The following PLD5 variants were observed in gnomAD, a reference collection of about 807,000 sequenced individuals.
The protein encoded by PLD5 is phospholipase D family member 5, also known as inactive phospholipase D5.
A neutral mutation model predicts 61.1 loss-of-function variants in PLD5; 36 were observed. The ratio of observed to expected loss-of-function variants is 0.59; its 90% CI spans 0.45 to 0.78. PLD5 has a LOEUF of 0.78. Among genes scored for constraint, PLD5 ranks in the 30% least tolerant of loss-of-function variants. The probability of loss-of-function intolerance (pLI) is 0.00; values close to 1 mark genes in which losing one functional copy is unlikely to be tolerated. For synonymous variants in PLD5, 243 were observed against 242.8 expected (o/e 1.00, Z -0.01); for missense variants, 515 against 644.4 (o/e 0.80, Z 2.17).
intron 1 of PLD5, among the ~76,000 whole-genome samples, chr1:242,391,605 CA>C (rs1662938530): frequency 6.6e-6 from 1 of 152,040 alleles, no homozygotes; most frequent in Admixed American, 6.6e-5. Context: ...CCCATTTGAC[CA>C]AAGAAAAGTT....
chr1:242,351,765 T>A (rs1660489749), intron 1 of PLD5, among the ~76,000 whole-genome samples: 1 of 152,210 alleles, frequency 6.6e-6, no homozygotes, highest in African/African-American at 2.4e-5. Context: ...AAAACTGGCT[T>A]GATTACATAT....
chr1:242,493,819 G>C (rs1031006777), intron 1 of PLD5, among the ~76,000 whole-genome samples: 9 of 152,152 alleles, frequency 5.9e-5, no homozygotes, highest in African/African-American at 9.7e-5. Flanking sequence ...CTCCAGCAGA[G>C]AGGAACCCAT....
intron 9 of PLD5, among the ~76,000 whole-genome samples, chr1:242,100,071 G>A (rs1660566166): frequency 1.3e-5 from 2 of 152,136 alleles, no homozygotes; most frequent in Non-Finnish European, 2.9e-5. Flanking sequence ...CATTAATTGG[G>A]TATTATCTAT....
chr1:242,376,449 A>G (rs899435121), intron 1 of PLD5, among the ~76,000 whole-genome samples: 1 of 152,200 alleles, frequency 6.6e-6, no homozygotes, highest in African/African-American at 2.4e-5. Flanking sequence ...TTTGAGACCC[A>G]CAATTACTTA....
At chr1:242,254,092 C>A (rs1019914511) in intron 4 of PLD5, among the ~76,000 whole-genome samples, 1 of 152,026 alleles carries the variant, frequency 6.6e-6, no homozygotes. Context: ...TGATTAAAAC[C>A]GGGGCTTTTC....
At chr1:242,354,981 C>T (rs1660679821) in intron 1 of PLD5, among the ~76,000 whole-genome samples, 1 of 151,968 alleles carries the variant, frequency 6.6e-6, no homozygotes, top group African/African-American at 2.4e-5. Context: ...CCCATTTGAT[C>T]ATGGTAAATG....
chr1:242,357,318 G>C (rs570646331), intron 1 of PLD5, among the ~76,000 whole-genome samples: 70 of 149,816 alleles, frequency 4.7e-4, no homozygotes, highest in Non-Finnish European at 7.7e-4. Flanking sequence ...CTTCTTTGTA[G>C]GTAATATATT....
intron 1 of PLD5, among the ~76,000 whole-genome samples, chr1:242,485,381 T>C (rs1667923782): frequency 6.6e-6 from 1 of 152,086 alleles, no homozygotes; most frequent in African/African-American, 2.4e-5. Flanking sequence ...GGATACAAAA[T>C]CAATGTGCAA....
chr1:242,397,451 C>A (rs1663657386), intron 1 of PLD5, among the ~76,000 whole-genome samples: 1 of 151,544 alleles, frequency 6.6e-6, no homozygotes, highest in Non-Finnish European at 1.5e-5. Flanking sequence ...TTAACTTAGT[C>A]CTAATCACCA....
intron 5 of PLD5, among the ~76,000 whole-genome samples, chr1:242,186,649 A>T (rs564491120): frequency 2.0e-5 from 3 of 152,298 alleles, no homozygotes; most frequent in Admixed American, 6.5e-5. Context: ...GAAAAAAAAC[A>T]ACTAGTGATT....
chr1:242,398,587 C>T (rs2810041), intron 1 of PLD5, among the ~76,000 whole-genome samples: 64,827 of 151,978 alleles, frequency 0.43, 14,305 homozygotes, highest in African/African-American at 0.54. Flanking sequence ...ATAGATACCA[C>T]GGTTTAGTGG....
chr1:242,495,131 T>C (rs1396009225), intron 1 of PLD5, among the ~76,000 whole-genome samples: 1 of 152,276 alleles, frequency 6.6e-6, no homozygotes, highest in Non-Finnish European at 1.5e-5. Flanking sequence ...TAGCAGAAGA[T>C]GACATAAACT....
intron 1 of PLD5, among the ~76,000 whole-genome samples, chr1:242,430,753 A>G (rs925920847): frequency 1.3e-5 from 2 of 152,144 alleles, no homozygotes; most frequent in Admixed American, 1.3e-4. Context: ...GGGAGCAGAC[A>G]TCACTCACAG....
At chr1:242,379,685 T>C (rs1662172728) in intron 1 of PLD5, among the ~76,000 whole-genome samples, 1 of 152,186 alleles carries the variant, frequency 6.6e-6, no homozygotes, top group African/African-American at 2.4e-5. Flanking sequence ...TTTCCATTTT[T>C]TGCAGTGGCT....
chr1:242,292,865 T>G lies in PLD5; in HGVS notation c.327-4335A>C, dbSNP rs1171666227. On this transcript the variant is annotated intron_variant, in intron 2 of 9. Coordinates refer to ENST00000536534, the MANE Select transcript of PLD5 (RefSeq NM_001372062.1). ...CACATGAGCTTATTATAAATGTATT[T>G]CTAAAAATATTCTGCTCACTTTAAC... Among the ~76,000 whole-genome samples, 4 of 152,260 alleles carry G rather than the reference T, an allele frequency of 2.6e-5. No homozygotes were observed. In the East Asian group the frequency reaches 7.7e-4, roughly 29 times the overall value.
chr1:242,173,595 C>G (rs1443028775), intron 5 of PLD5, among the ~76,000 whole-genome samples: 2 of 152,162 alleles, frequency 1.3e-5, no homozygotes, highest in Admixed American at 1.3e-4. Context: ...CAAGACAATC[C>G]TAAGCCAAAA....
intron 5 of PLD5, among the ~76,000 whole-genome samples, chr1:242,191,296 G>A (rs926362072): frequency 3.3e-5 from 5 of 152,098 alleles, no homozygotes; most frequent in Admixed American, 6.5e-5. Flanking sequence ...TTTAAAAGAA[G>A]GAAAGAGGGC....
rs541454668 is a variant in PLD5, at chr1:242,450,532, C to T, written c.189+73556G>A. On this transcript the variant is annotated intron_variant, in intron 1 of 9. Coordinates refer to ENST00000536534, the MANE Select transcript of PLD5 (RefSeq NM_001372062.1). ...TTCCTTTTTTTACTGCTTTTCCTCT[C>T]ATCAAAAAGGAAAAATTCACATCTT... 1.1e-4 allele frequency among the ~76,000 whole-genome samples: 16 copies of T among 152,250 alleles called. No homozygotes were observed. The East Asian group carries it at 2.9e-3, about 28-fold the overall frequency.
At chr1:242,328,287 A>G (rs12143296) in intron 2 of PLD5, among the ~76,000 whole-genome samples, 8 of 151,524 alleles carry the variant, frequency 5.3e-5, no homozygotes, top group African/African-American at 2.0e-4. Flanking sequence ...TATTATATAT[A>G]TGTATGTATG....
Sources: gnomAD v4.1 joint callset for allele counts (sites outside exome capture counted in the v4.1 genomes callset) on GRCh38, gnomAD v4.1.1 for gene constraint, MANE v1.5 for transcripts, NCBI Gene and HGNC (gene_info 2026-07-23, HGNC 2026-07-21) for gene names.